Variants in ACSBG2 observed in about 807,000 individuals in gnomAD.
ACSBG2 encodes the protein acyl-CoA synthetase bubblegum family member 2, also known as long-chain-fatty-acid--CoA ligase ACSBG2.
Under a neutral mutation model 74.7 loss-of-function variants are expected in ACSBG2, and 62 were observed. That is an observed-to-expected ratio of 0.83 (90% CI 0.68 to 1.03). The LOEUF (loss-of-function observed/expected upper bound fraction) is 1.03. Ranked by LOEUF, ACSBG2 falls within the 50% of genes least tolerant of loss-of-function variation. The pLI, the probability that ACSBG2 is intolerant of heterozygous loss-of-function variation, is 0.00. For synonymous variants in ACSBG2, 309 were observed against 294.1 expected, an observed-to-expected ratio of 1.05 and a Z score of -0.52; for missense variants, 730 against 817.6, an observed-to-expected ratio of 0.89 and a Z score of 1.31.
rs1330140180 is a variant in ACSBG2 at position 6,152,446 on chromosome 19, G to A, written c.386+651G>A. ...GCTGGGACTACAGGCGCCCGCCACC[G>A]CGCCCGGCTAATTTTTTGTATTTTT... On this transcript the variant is annotated intron_variant, in intron 4 of 14. Transcript: ENST00000588485. 1.1e-4 allele frequency among the ~76,000 whole-genome samples: 8 copies of A among 72,656 alleles called. 3 individuals are homozygous for A. In the South Asian group the frequency reaches 1.6e-3, roughly 14 times the overall value. The allele number at this position is 72,656 out of a possible 152,430, so 47.7% of individuals were successfully genotyped here. A position where few individuals can be genotyped will look rare whatever the true frequency, so the allele number is the denominator to read the frequency against.
At chr19:6,153,245 C>CA (rs1327481042) in intron 4 of ACSBG2, among the ~76,000 whole-genome samples, 4 of 151,508 alleles carry the variant, frequency 2.6e-5, no homozygotes, top group African/African-American at 7.3e-5. Flanking sequence ...GACTCCATCT[C>CA]AAAAAAACAA....
intron 6 of ACSBG2, among the ~76,000 whole-genome samples, chr19:6,162,459 C>T (rs1390718366): frequency 6.9e-6 from 1 of 145,318 alleles, no homozygotes. Flanking sequence ...CCCAGCTACT[C>T]GGGAGGCTGA....
chr19:6,168,631 T>C (rs2145163478), intron 7 of ACSBG2, among the ~76,000 whole-genome samples: 1 of 152,302 alleles, frequency 6.6e-6, no homozygotes, highest in Middle Eastern at 3.4e-3. Context: ...CTGGCTAGTA[T>C]TTATGCTCCT....
chr19:6,165,036 G>T (rs991605020), intron 6 of ACSBG2, among the ~76,000 whole-genome samples: 3 of 152,176 alleles, frequency 2.0e-5, no homozygotes, highest in African/African-American at 7.2e-5. Context: ...GGATGCCTTT[G>T]GTCGTAAGTG....
At chr19:6,169,898 A>T (rs1237195986) in intron 7 of ACSBG2, among the ~76,000 whole-genome samples, 1 of 152,234 alleles carries the variant, frequency 6.6e-6, no homozygotes, top group Admixed American at 6.5e-5. Context: ...ATTGGTATAT[A>T]GAAATGCTAC....
intron 7 of ACSBG2, among the ~76,000 whole-genome samples, chr19:6,168,999 G>A (rs542219062): frequency 6.6e-6 from 1 of 152,120 alleles, no homozygotes; most frequent in Non-Finnish European, 1.5e-5. Context: ...GGCTGGTCTC[G>A]AACTCCTGAC....
At chr19:6,181,813 G>GC (rs60054737) in intron 8 of ACSBG2, among the ~76,000 whole-genome samples, 3,554 of 54,334 alleles carry the variant, frequency 0.065, 324 homozygotes, top group East Asian at 0.13. Flanking sequence ...GTCCCCACCC[G>GC]CCCCCCCCCC....
Position 6,182,795 on chromosome 19 carries a change from C to T in ACSBG2, c.951C>T (p.Phe317=), listed in dbSNP as rs2090296538. 1.2e-6 allele frequency: 2 copies of T among 1,614,194 alleles called. No individual in the cohort carries two copies. The highest frequency in any genetic ancestry group is 1.7e-6 in the Non-Finnish European group (2 of 1,180,032). Residue 317 remains phenylalanine, a synonymous_variant, in exon 9 of 15, where the codon TTC becomes TTT. Coordinates refer to ENST00000588485, the MANE Select transcript of ACSBG2 (RefSeq NM_030924.5). ...STLKEVKPTV[F]IGVPQIWEKI... ...TAAAGGAGGTAAAACCTACTGTCTT[C>T]ATTGGAGTGCCTCAAATTTGGGAGA... is the stretch of plus-strand genomic sequence containing the variant.
Position 6,151,713 on chromosome 19 carries a change from T to C in ACSBG2, c.304T>C (p.Leu102=). 1 of 1,597,354 alleles carries C rather than the reference T, an allele frequency of 6.3e-7. No homozygotes were observed. Among genetic ancestry groups the C allele is most frequent in the Non-Finnish European group, 8.5e-7 (1 of 1,171,304 alleles). The change falls in exon 4 of 15, where the codon TTG becomes CTG. Residue 102 remains leucine, a synonymous_variant. Transcript: ENST00000588485. ...TTTGCTTTTTCCTTCCCAGCTGGGT[T>C]TGGAGCGTTTCCACGGAGTTGGTAT... ...KAAKSLIKLG[L]ERFHGVGILG... is the part of the protein sequence containing the mutation.
chr19:6,140,874 G>A (rs997306810), intron 1 of ACSBG2, among the ~76,000 whole-genome samples: 4 of 152,166 alleles, frequency 2.6e-5, no homozygotes, highest in Non-Finnish European at 4.4e-5. Flanking sequence ...CTGAGTTTGA[G>A]CATGTTTACT....
intron 4 of ACSBG2, among the ~76,000 whole-genome samples, chr19:6,155,226 G>A (rs2089378595): frequency 6.6e-6 from 1 of 152,112 alleles, no homozygotes; most frequent in South Asian, 2.1e-4. Flanking sequence ...AGTGGTGCTG[G>A]ACCAACTGGA....
At chr19:6,185,329 T>A in intron 10 of ACSBG2, 107 bp from the exon 11 acceptor site, 1 of 1,094,844 alleles carries the variant, frequency 9.1e-7, no homozygotes, top group Non-Finnish European at 1.4e-6. Context: ...ATATCCAGCC[T>A]GCTCTAGCTG....
At chr19:6,161,898 A>T (rs1442881292) in intron 6 of ACSBG2, among the ~76,000 whole-genome samples, 5 of 152,160 alleles carry the variant, frequency 3.3e-5, no homozygotes, top group Non-Finnish European at 7.3e-5. Flanking sequence ...TTTTGTTATT[A>T]ATTTTTTCCC....
At chr19:6,136,674 T>G (rs891936238) in intron 1 of ACSBG2, among the ~76,000 whole-genome samples, 1 of 152,214 alleles carries the variant, frequency 6.6e-6, no homozygotes, top group Non-Finnish European at 1.5e-5. Flanking sequence ...CTACATGGCC[T>G]TTTAAAATTG....
chr19:6,140,711 T>A (rs79374243), intron 1 of ACSBG2, among the ~76,000 whole-genome samples: 3,998 of 152,192 alleles, frequency 0.026, 88 homozygotes, highest in South Asian at 0.039. Flanking sequence ...CTGATAAGTG[T>A]TTTCGAAAGA....
At chr19:6,164,666 C>T (rs1213485749) in intron 6 of ACSBG2, among the ~76,000 whole-genome samples, 2 of 152,158 alleles carry the variant, frequency 1.3e-5, no homozygotes, top group Non-Finnish European at 2.9e-5. Flanking sequence ...CTCCTGACCT[C>T]GTGATCCGCC....
intron 6 of ACSBG2, among the ~76,000 whole-genome samples, chr19:6,165,284 C>T (rs2089758345): frequency 6.6e-6 from 1 of 152,224 alleles, no homozygotes; most frequent in African/African-American, 2.4e-5. Flanking sequence ...CATTCACATA[C>T]ACAGTCTGTG....
chr19:6,150,182 G>A (rs2089186743), intron 3 of ACSBG2, among the ~76,000 whole-genome samples: 1 of 151,896 alleles, frequency 6.6e-6, no homozygotes, highest in Admixed American at 6.6e-5. Context: ...CACAACACGT[G>A]TTGGGGAGGA....
At position 6,141,586 on chromosome 19, in the gene ACSBG2, G is replaced by A. The variant is rs773341831; in HGVS notation, c.43G>A (p.Glu15Lys). Residue 15 changes from glutamate to lysine, a missense_variant, in exon 2 of 15, where the codon GAA (glutamate) becomes AAA (lysine). Transcript: ENST00000588485. Reference sequence around the variant, plus strand: ...GACTCAAGAAGGAGCTAAAGATCTTGAAGTAGACATGAATAAAACAGAAGG... The same window carrying A: ...GACTCAAGAAGGAGCTAAAGATCTTAAAGTAGACATGAATAAAACAGAAGG... Reference protein sequence around the residue: ...PKTQEGAKDLEVDMNKTEVTP... With the variant: ...PKTQEGAKDLKVDMNKTEVTP... 1 of 1,610,390 alleles carries A rather than the reference G, an allele frequency of 6.2e-7. No homozygotes were observed. The highest frequency in any genetic ancestry group is 8.5e-7 in the Non-Finnish European group (1 of 1,176,592).
Sources: allele counts gnomAD v4.1 joint callset (sites outside exome capture counted in the v4.1 genomes callset), GRCh38; gene constraint gnomAD v4.1.1; transcripts MANE v1.5; gene names NCBI Gene and HGNC (gene_info 2026-07-23, HGNC 2026-07-21).